GRM8: variants seen among roughly 807,000 people sequenced by gnomAD.
GRM8 encodes metabotropic glutamate receptor 8.
In GRM8, 47 loss-of-function variants were observed where a neutral mutation model predicts 87.2. That is an observed-to-expected ratio of 0.54 (90% confidence interval 0.43 to 0.69). GRM8 has a LOEUF of 0.69. Among genes scored for constraint, GRM8 ranks in the 30% least tolerant of loss-of-function variants. The pLI, the probability that GRM8 is intolerant of heterozygous loss-of-function variation, is 0.00. For missense variants in GRM8, 1,019 were observed against 1,139.2 expected (o/e 0.89, Z 1.52); for synonymous variants, 396 against 404.5 (o/e 0.98, Z 0.25).
At chr7:126,996,887 C>A (rs1223455517) in intron 3 of GRM8, among the ~76,000 whole-genome samples, 1 of 151,810 alleles carries the variant, frequency 6.6e-6, no homozygotes, top group Non-Finnish European at 1.5e-5. Flanking sequence ...GATTTTCTGC[C>A]TGGGAAATCT....
chr7:127,153,378 T>C (rs1792524606), intron 2 of GRM8, among the ~76,000 whole-genome samples: 1 of 152,052 alleles, frequency 6.6e-6, no homozygotes, highest in Non-Finnish European at 1.5e-5. Context: ...TATGAGAATG[T>C]AGAAGATCAA....
chr7:126,550,359 G>A (rs917535018), intron 8 of GRM8, among the ~76,000 whole-genome samples: 4 of 151,998 alleles, frequency 2.6e-5, no homozygotes, highest in South Asian at 2.1e-4. Flanking sequence ...TGATCCACCC[G>A]CCTCAGCCTC....
intron 9 of GRM8, among the ~76,000 whole-genome samples, chr7:126,487,095 A>G (rs1258220138): frequency 2.0e-5 from 3 of 152,100 alleles, no homozygotes; most frequent in Non-Finnish European, 4.4e-5. Context: ...CTTAGTGTGC[A>G]TACTTAGTGT....
At chr7:127,190,059 G>A (rs1363458957) in intron 2 of GRM8, among the ~76,000 whole-genome samples, 7 of 152,198 alleles carry the variant, frequency 4.6e-5, no homozygotes, top group Admixed American at 2.6e-4. Flanking sequence ...ACTTGTTCAC[G>A]TCTGCAGTCA....
rs1305057142 is a variant in GRM8 at position 127,106,475 on chromosome 7, A to T, written c.727+21T>A. 3 of 1,584,884 alleles carry T rather than the reference A, an allele frequency of 1.9e-6. No individual in the cohort carries two copies. The South Asian group carries it at 3.3e-5, about 18-fold the overall frequency. ...CAATCTGTCACCTCCAAATACAATC[A>T]TCTGATAAATATATGCTTACCAATC... is the stretch of plus-strand genomic sequence containing the variant. On this transcript the variant is annotated intron_variant, in intron 3 of 10. Coordinates refer to ENST00000339582, the MANE Select transcript of GRM8 (RefSeq NM_000845.3).
chr7:126,657,659 C>A (rs1047246387), intron 7 of GRM8, among the ~76,000 whole-genome samples: 4 of 152,198 alleles, frequency 2.6e-5, no homozygotes, highest in Non-Finnish European at 5.9e-5. Context: ...AAAGTGTTTG[C>A]CTAAACATAA....
At chr7:126,532,001 C>G (rs1814898371) in intron 9 of GRM8, among the ~76,000 whole-genome samples, 1 of 152,196 alleles carries the variant, frequency 6.6e-6, no homozygotes, top group Admixed American at 6.5e-5. Context: ...GGCAGAAGGG[C>G]TATCATTACA....
At chr7:126,600,388 C>T (rs1337748041) in intron 8 of GRM8, among the ~76,000 whole-genome samples, 2 of 151,990 alleles carry the variant, frequency 1.3e-5, no homozygotes, top group Non-Finnish European at 2.9e-5. Context: ...TGCATGGCTT[C>T]TGACTAGGGG....
chr7:126,678,901 T>C (rs1807263778), intron 7 of GRM8, among the ~76,000 whole-genome samples: 1 of 152,266 alleles, frequency 6.6e-6, no homozygotes, highest in Admixed American at 6.5e-5. Context: ...AAACTGTTTT[T>C]AAGTATAGAA....
chr7:126,494,426 G>T (rs930076020), intron 9 of GRM8, among the ~76,000 whole-genome samples: 1 of 151,954 alleles, frequency 6.6e-6, no homozygotes, highest in African/African-American at 2.4e-5. Flanking sequence ...AGCTTTAGGA[G>T]CCCTATCATC....
chr7:126,826,641 G>A (rs1325088943), intron 6 of GRM8, among the ~76,000 whole-genome samples: 18 of 152,126 alleles, frequency 1.2e-4, no homozygotes, highest in South Asian at 6.2e-4. Flanking sequence ...AGTAGGTTGC[G>A]AAAATTTTCT....
chr7:127,068,661 G>A (rs151127202), intron 3 of GRM8, among the ~76,000 whole-genome samples: 553 of 152,318 alleles, frequency 3.6e-3, no homozygotes, highest in Non-Finnish European at 5.6e-3. Flanking sequence ...AGCAACAGGA[G>A]TATTCAGTTA....
rs1818691548 is a variant in GRM8 at position 126,770,217 on chromosome 7, T to G, written c.1157-152A>C. ...TAATTCTATACTTACTGAGTCAGGT[T>G]TTTAAACTGGATATTAAGTTTATTT... On this transcript the variant is annotated intron_variant, in intron 6 of 10. Coordinates refer to ENST00000339582, the MANE Select transcript of GRM8 (RefSeq NM_000845.3). 4 of 600,658 alleles carry G rather than the reference T, an allele frequency of 6.7e-6. No individual in the cohort carries two copies. In the Admixed American group the frequency reaches 8.8e-5, roughly 13 times the overall value. 37.2% of individuals were successfully genotyped at this position (600,658 alleles called of 1,614,324 possible).
chr7:126,865,612 C>T lies in GRM8; in HGVS notation c.1156+36930G>A, dbSNP rs190755758. Among the ~76,000 whole-genome samples the T allele has an allele frequency of 1.9e-4, 29 of 152,248 alleles. No homozygotes were observed. The South Asian group carries it at 3.1e-3, about 16-fold the overall frequency. On this transcript the variant is annotated intron_variant, in intron 6 of 10. Transcript: ENST00000339582. Reference sequence around the variant, plus strand: ...CGTCCCTTCACCATCCAACCCTAGGCGATCACTAATTTACTTTTCCTCTTT... The same window carrying T: ...CGTCCCTTCACCATCCAACCCTAGGTGATCACTAATTTACTTTTCCTCTTT...
At position 126,533,691 on chromosome 7, in the gene GRM8, A is replaced by C. The variant is rs1815220688; in HGVS notation, c.1691T>G (p.Met564Arg). ...GATAAGCTGGCAGCCTGTGCGGTTC[A>C]TGTTGGGTCTCTGATCCAGAGGGCA... The part of the protein sequence containing the change: ...ELCPLDQRPN[M>R]NRTGCQLIPI... The change falls in exon 9 of 11, where the codon ATG (methionine) becomes AGG (arginine). Residue 564 changes from methionine to arginine, a missense_variant. Transcript: ENST00000339582. 5.0e-6 allele frequency: 8 copies of C among 1,613,974 alleles called. No homozygotes were observed. The South Asian group carries it at 8.8e-5, about 18-fold the overall frequency.
chr7:126,510,760 G>C (rs1811242539), intron 9 of GRM8, among the ~76,000 whole-genome samples: 1 of 152,072 alleles, frequency 6.6e-6, no homozygotes, highest in Admixed American at 6.6e-5. Context: ...TGAGTAATTG[G>C]ACTCAGTGTC....
intron 9 of GRM8, among the ~76,000 whole-genome samples, chr7:126,447,460 A>G (rs1432991743): frequency 6.6e-6 from 1 of 151,864 alleles, no homozygotes; most frequent in African/African-American, 2.4e-5. Context: ...CTCTATTTAC[A>G]TCTCTGAATA....
chr7:126,931,709 A>G (rs1420248848), intron 3 of GRM8, among the ~76,000 whole-genome samples: 1 of 152,214 alleles, frequency 6.6e-6, no homozygotes, highest in East Asian at 1.9e-4. Flanking sequence ...TCATAGGAAG[A>G]AAAACACAGT....
intron 9 of GRM8, among the ~76,000 whole-genome samples, chr7:126,490,280 A>C (rs1807848070): frequency 1.3e-5 from 2 of 152,116 alleles, no homozygotes; most frequent in Non-Finnish European, 2.9e-5. Context: ...CCACCTCTTC[A>C]TTTCAGACAA....
Sources: allele counts gnomAD v4.1 joint callset (sites outside exome capture counted in the v4.1 genomes callset), GRCh38; gene constraint gnomAD v4.1.1; transcripts MANE v1.5; gene names NCBI Gene and HGNC (gene_info 2026-07-23, HGNC 2026-07-21).